TSPAN5: variants seen among roughly 807,000 people sequenced by gnomAD.
The protein encoded by TSPAN5 is tetraspanin-5.
A neutral mutation model predicts 37.1 loss-of-function variants in TSPAN5; 10 were observed. The observed-to-expected ratio is 0.27, with a 90% confidence interval of 0.17 to 0.46. The LOEUF is 0.46. TSPAN5 is among the 20% of genes least tolerant of loss of function. The pLI is 1.00. For synonymous variants in TSPAN5, 110 were observed against 118.9 expected (o/e 0.93, Z 0.48); for missense variants, 195 against 326.6 (o/e 0.60, Z 3.11).
intron 2 of TSPAN5, among the ~76,000 whole-genome samples, chr4:98,493,183 T>C (rs1015580811): frequency 6.6e-6 from 1 of 152,098 alleles, no homozygotes; most frequent in Non-Finnish European, 1.5e-5. Context: ...TCTCAAAAAG[T>C]AATAAAACAT....
At chr4:98,645,056 G>C (rs1031987409) in intron 1 of TSPAN5, among the ~76,000 whole-genome samples, 1 of 152,162 alleles carries the variant, frequency 6.6e-6, no homozygotes, top group Admixed American at 6.5e-5. Flanking sequence ...GGTGACTTGG[G>C]GTACCAGAAG....
chr4:98,571,276 G>A (rs1261241600), intron 1 of TSPAN5, among the ~76,000 whole-genome samples: 1 of 152,028 alleles, frequency 6.6e-6, no homozygotes, highest in Non-Finnish European at 1.5e-5. Context: ...CCTGAAGTCC[G>A]TGGCCACTCA....
intron 1 of TSPAN5, among the ~76,000 whole-genome samples, chr4:98,625,516 A>T (rs145523766): frequency 6.6e-6 from 1 of 152,212 alleles, no homozygotes; most frequent in Admixed American, 6.5e-5. Context: ...AAGAGAAAAA[A>T]CAAAAGTCTG....
At chr4:98,487,227 C>A (rs1462658288) in intron 2 of TSPAN5, among the ~76,000 whole-genome samples, 3 of 118,780 alleles carry the variant, frequency 2.5e-5, no homozygotes, top group Admixed American at 9.6e-5. Context: ...TTTGGGAAAA[C>A]TATATGTAGA....
At chr4:98,622,540 A>C (rs1756503396) in intron 1 of TSPAN5, among the ~76,000 whole-genome samples, 1 of 152,172 alleles carries the variant, frequency 6.6e-6, no homozygotes, top group African/African-American at 2.4e-5. Flanking sequence ...GCAATGTCTG[A>C]GGGTTCTCTG....
chr4:98,607,676 GA>G (rs140537117), intron 1 of TSPAN5, among the ~76,000 whole-genome samples: 4 of 150,344 alleles, frequency 2.7e-5, no homozygotes, highest in African/African-American at 7.3e-5. Context: ...ACACAGTTGG[GA>G]AAAAAAAGAA....
At chr4:98,644,333 T>C (rs1178100229) in intron 1 of TSPAN5, among the ~76,000 whole-genome samples, 1 of 152,170 alleles carries the variant, frequency 6.6e-6, no homozygotes, top group Non-Finnish European at 1.5e-5. Context: ...GAAATACAAC[T>C]GAAACTCTAA....
At chr4:98,509,613 T>C (rs547861117) in intron 1 of TSPAN5, among the ~76,000 whole-genome samples, 2 of 152,290 alleles carry the variant, frequency 1.3e-5, no homozygotes, top group East Asian at 3.9e-4. Flanking sequence ...AGGGGACTCC[T>C]TGGAAAGTGT....
intron 1 of TSPAN5, among the ~76,000 whole-genome samples, chr4:98,616,381 T>C (rs1307785196): frequency 1.3e-5 from 2 of 152,158 alleles, no homozygotes; most frequent in Admixed American, 1.3e-4. Flanking sequence ...GAGTTTGTGC[T>C]ACCTTGAAAT....
chr4:98,592,148 A>C (rs960944423), intron 1 of TSPAN5, among the ~76,000 whole-genome samples: 8 of 150,606 alleles, frequency 5.3e-5, no homozygotes, highest in Non-Finnish European at 1.0e-4. Context: ...AGCCACATGG[A>C]GAACAAATGA....
intron 2 of TSPAN5, among the ~76,000 whole-genome samples, 156 bp from the exon 3 acceptor site, chr4:98,487,040 AAG>A (rs1186643237): frequency 6.6e-6 from 1 of 151,710 alleles, no homozygotes; most frequent in Admixed American, 6.6e-5. Context: ...AGAGGAAAGA[AAG>A]AGAGAGAGAA....
chr4:98,553,895 T>C (rs949261836), intron 1 of TSPAN5, among the ~76,000 whole-genome samples: 5 of 151,928 alleles, frequency 3.3e-5, no homozygotes, highest in Non-Finnish European at 5.9e-5. Flanking sequence ...GACGAAACCC[T>C]GTCTCTACTA....
chr4:98,485,762 C>CTTTTTTTTTT (rs766494512), intron 3 of TSPAN5, among the ~76,000 whole-genome samples: 18 of 86,592 alleles, frequency 2.1e-4, no homozygotes, highest in African/African-American at 8.1e-4. Flanking sequence ...CTTGGATATG[C>CTTTTTTTTTT]TTTTTTTTTT....
intron 2 of TSPAN5, among the ~76,000 whole-genome samples, chr4:98,487,201 T>A: frequency 7.0e-6 from 1 of 142,354 alleles, no homozygotes. Flanking sequence ...TTCCAACATC[T>A]AAACGTGTTC....
intron 1 of TSPAN5, among the ~76,000 whole-genome samples, chr4:98,514,705 C>T (rs1377174562): frequency 1.3e-5 from 2 of 152,102 alleles, no homozygotes; most frequent in Non-Finnish European, 2.9e-5. Context: ...TCCAGTGCTA[C>T]GTAGTTTCAT....
intron 1 of TSPAN5, among the ~76,000 whole-genome samples, chr4:98,603,501 C>T (rs948241858): frequency 2.0e-5 from 3 of 152,162 alleles, no homozygotes; most frequent in Admixed American, 6.5e-5. Flanking sequence ...CTCAAACTAG[C>T]GCATGGAAGA....
intron 1 of TSPAN5, among the ~76,000 whole-genome samples, chr4:98,515,827 A>G (rs1033423228): frequency 6.6e-6 from 1 of 152,174 alleles, no homozygotes; most frequent in African/African-American, 2.4e-5. Flanking sequence ...AGATACTCAT[A>G]TGGTACTTAA....
intron 1 of TSPAN5, among the ~76,000 whole-genome samples, chr4:98,579,930 C>T (rs570182572): frequency 1.3e-4 from 20 of 152,190 alleles, no homozygotes; most frequent in Middle Eastern, 3.4e-3. Flanking sequence ...ACCCTATATA[C>T]CCAAAATAAT....
intron 1 of TSPAN5, among the ~76,000 whole-genome samples, chr4:98,520,826 G>T (rs773392247): frequency 6.6e-6 from 1 of 151,830 alleles, no homozygotes; most frequent in Non-Finnish European, 1.5e-5. Context: ...TACCTGCACT[G>T]CCTTTAGAAG....
Sources: gnomAD v4.1 joint callset for allele counts (sites outside exome capture counted in the v4.1 genomes callset) on GRCh38, gnomAD v4.1.1 for gene constraint, MANE v1.5 for transcripts, NCBI Gene and HGNC (gene_info 2026-07-23, HGNC 2026-07-21) for gene names.